Variants in DOCK4 observed in about 807,000 individuals in gnomAD.
The protein encoded by DOCK4 is dedicator of cytokinesis protein 4.
In DOCK4, 97 loss-of-function variants were observed where a neutral mutation model predicts 268.1. The observed-to-expected ratio is 0.36, with a 90% CI of 0.31 to 0.43. DOCK4 has a LOEUF of 0.43. Ranked by LOEUF, DOCK4 falls within the 20% of genes least tolerant of loss-of-function variation. The pLI is 1.00. For missense variants in DOCK4, 2,145 were observed against 2,455.7 expected, an observed-to-expected ratio of 0.87 and a Z score of 2.67; for synonymous variants, 954 against 887.2, an observed-to-expected ratio of 1.08 and a Z score of -1.34.
chr7:112,190,044 C>G (rs990956574), intron 1 of DOCK4, among the ~76,000 whole-genome samples: 1 of 152,000 alleles, frequency 6.6e-6, no homozygotes, highest in Non-Finnish European at 1.5e-5. Context: ...GTTGCCAGGC[C>G]CCAGTCAGGA....
intron 1 of DOCK4, among the ~76,000 whole-genome samples, chr7:112,191,080 T>C (rs547406957): frequency 6.6e-6 from 1 of 152,166 alleles, no homozygotes; most frequent in African/African-American, 2.4e-5. Context: ...TTTCTTGTTT[T>C]GTTTAGTTTA....
chr7:111,832,363 C>T (rs1190383125), intron 26 of DOCK4, among the ~76,000 whole-genome samples: 2 of 152,186 alleles, frequency 1.3e-5, no homozygotes, highest in African/African-American at 4.8e-5. Flanking sequence ...TGCTCATGCC[C>T]ATTATTTGCC....
rs931621023 is a variant in DOCK4, at chr7:112,050,107, T to A, written c.38-45976A>T. On this transcript the variant is annotated intron_variant, in intron 1 of 52. Transcript: ENST00000428084. ...ACACTCAAAACTGGTTATTTTCCTCTCCTTTTATTTGTCACTGTGTCTGTT... is the reference window on the plus strand; with the variant it reads ...ACACTCAAAACTGGTTATTTTCCTCACCTTTTATTTGTCACTGTGTCTGTT... Among the ~76,000 whole-genome samples, 3 of 152,336 alleles carry A rather than the reference T, an allele frequency of 2.0e-5. No homozygotes were observed. In the East Asian group the frequency reaches 5.8e-4, roughly 29 times the overall value.
chr7:111,883,856 T>C (rs1807620492), intron 16 of DOCK4, among the ~76,000 whole-genome samples: 2 of 152,164 alleles, frequency 1.3e-5, no homozygotes, highest in Non-Finnish European at 2.9e-5. Context: ...CTATCACCCT[T>C]GCTCAAGTAT....
At chr7:112,146,695 T>G (rs1450989821) in intron 1 of DOCK4, among the ~76,000 whole-genome samples, 1 of 152,210 alleles carries the variant, frequency 6.6e-6, no homozygotes, top group Non-Finnish European at 1.5e-5. Flanking sequence ...ATGGCACCAC[T>G]GCACTTTTGC....
In DOCK4 at chr7:111,790,612, T is replaced by A. The variant is rs1010755204; in HGVS notation, c.3167-7A>T. On this transcript the variant is annotated splice_polypyrimidine_tract_variant and splice_region_variant and intron_variant, in intron 30 of 52. Coordinates refer to ENST00000428084, the MANE Select transcript of DOCK4 (RefSeq NM_001363540.2). ...AAATGAAGCTTGTGCTCTCCTAAAG[T>A]GAGAAAAATATTTGAGTTTCAATAT... The A allele has an allele frequency of 6.3e-7, 1 of 1,581,302 alleles. No individual in the cohort carries two copies. Among genetic ancestry groups the A allele is most frequent in the Non-Finnish European group, 8.6e-7 (1 of 1,167,232 alleles).
intron 32 of DOCK4, 143 bp from the exon 33 acceptor site, chr7:111,784,266 C>T: frequency 3.2e-6 from 3 of 934,160 alleles, no homozygotes; most frequent in Non-Finnish European, 3.3e-6. Flanking sequence ...CTCCCTTACA[C>T]TAACAGAGGC....
intron 1 of DOCK4, among the ~76,000 whole-genome samples, chr7:112,019,273 G>A (rs750940825): frequency 6.6e-6 from 1 of 152,118 alleles, no homozygotes; most frequent in Non-Finnish European, 1.5e-5. Context: ...GAAGAATCAA[G>A]AGCTCAAATG....
chr7:111,790,915 G>A (rs541447934), intron 30 of DOCK4, among the ~76,000 whole-genome samples: 6 of 151,190 alleles, frequency 4.0e-5, no homozygotes, highest in South Asian at 2.1e-4. Context: ...ACAATTAGCC[G>A]GGCGGGGTGG....
At chr7:112,172,077 G>T (rs1818133822) in intron 1 of DOCK4, among the ~76,000 whole-genome samples, 1 of 152,066 alleles carries the variant, frequency 6.6e-6, no homozygotes, top group African/African-American at 2.4e-5. Context: ...CTATTTAAAG[G>T]GCCTGTTAGT....
intron 26 of DOCK4, among the ~76,000 whole-genome samples, chr7:111,826,088 C>T (rs565116872): frequency 9.2e-5 from 14 of 152,226 alleles, no homozygotes; most frequent in African/African-American, 2.9e-4. Flanking sequence ...TCTTTGCTTT[C>T]GTGGAGTTCA....
chr7:111,894,091 G>A (rs1190138749), intron 16 of DOCK4, among the ~76,000 whole-genome samples: 2 of 152,032 alleles, frequency 1.3e-5, no homozygotes, highest in Non-Finnish European at 2.9e-5. Flanking sequence ...GCATGGTGGC[G>A]GGTGCCTGGT....
chr7:111,784,010 A>G, intron 33 of DOCK4, 58 bp from the exon 34 acceptor site: 1 of 1,570,048 alleles, frequency 6.4e-7, no homozygotes, highest in Non-Finnish European at 8.6e-7. Context: ...TCACCATGAC[A>G]ACCACTTTAC....
intron 23 of DOCK4, among the ~76,000 whole-genome samples, chr7:111,857,073 C>T (rs1347129073): frequency 6.6e-6 from 1 of 152,056 alleles, no homozygotes; most frequent in Non-Finnish European, 1.5e-5. Flanking sequence ...TAATCACTTG[C>T]AATGCAATAA....
intron 1 of DOCK4, among the ~76,000 whole-genome samples, chr7:112,174,015 CA>C (rs1818298972): frequency 8.5e-6 from 1 of 117,980 alleles, no homozygotes; most frequent in Admixed American, 8.2e-5. Flanking sequence ...TGCCTTTCCC[CA>C]CCTCCCCACC....
chr7:112,036,130 T>C (rs1337623364), intron 1 of DOCK4, among the ~76,000 whole-genome samples: 1 of 151,982 alleles, frequency 6.6e-6, no homozygotes, highest in Non-Finnish European at 1.5e-5. Context: ...CCAGCTAATC[T>C]GCAATTCAAG....
intron 23 of DOCK4, among the ~76,000 whole-genome samples, chr7:111,857,890 G>A (rs962771649): frequency 6.6e-6 from 1 of 152,182 alleles, no homozygotes; most frequent in East Asian, 1.9e-4. Flanking sequence ...CAAATAGGAA[G>A]AATAAAATCT....
intron 8 of DOCK4, among the ~76,000 whole-genome samples, chr7:111,976,250 A>AT (rs1798180008): frequency 9.6e-6 from 1 of 104,594 alleles, no homozygotes; most frequent in African/African-American, 3.5e-5. Context: ...ATGTGTATAT[A>AT]TATGTGTATG....
Position 111,782,876 on chromosome 7 carries a change from T to G in DOCK4, c.3573A>C (p.Thr1191=). 1.2e-6 allele frequency: 2 copies of G among 1,613,744 alleles called. No homozygotes were observed. Among genetic ancestry groups the G allele is most frequent in the Non-Finnish European group, 8.5e-7 (1 of 1,179,774 alleles). ...ATAGTTTACTAACCAGAAGGCTAAC[T>G]GTGCAGCCAATCTTTTTGCCATCTA... ...GEVDGKKIGC[T]VSLLNFYKTE... is the part of the protein sequence containing the mutation. Residue 1191 remains threonine, a synonymous_variant, in exon 35 of 53, where the codon ACA becomes ACC. Coordinates refer to ENST00000428084, the MANE Select transcript of DOCK4 (RefSeq NM_001363540.2).
Sources: allele counts gnomAD v4.1 joint callset (sites outside exome capture counted in the v4.1 genomes callset), GRCh38; gene constraint gnomAD v4.1.1; transcripts MANE v1.5; gene names NCBI Gene and HGNC (gene_info 2026-07-23, HGNC 2026-07-21).